LRRTM4: variants seen among roughly 807,000 people sequenced by gnomAD.
LRRTM4 encodes leucine rich repeat transmembrane neuronal 4.
A neutral mutation model predicts 47.6 loss-of-function variants in LRRTM4; 25 were observed. That is an observed-to-expected ratio of 0.53 (90% CI 0.38 to 0.73). The LOEUF (loss-of-function observed/expected upper bound fraction) is 0.73, where lower values mean the gene tolerates loss of function less well. Among genes scored for constraint, LRRTM4 ranks in the 30% least tolerant of loss-of-function variants. LRRTM4 has a pLI of 0.00. For missense variants in LRRTM4, 638 were observed against 713.4 expected (o/e 0.89, Z 1.20); for synonymous variants, 311 against 269.5 (o/e 1.15, Z -1.51).
intron 3 of LRRTM4, among the ~76,000 whole-genome samples, chr2:77,359,320 A>AT (rs1343602143): frequency 2.6e-5 from 4 of 152,174 alleles, no homozygotes; most frequent in Non-Finnish European, 5.9e-5. Context: ...TTCAAATGAG[A>AT]TTTTTATATA....
At chr2:77,022,423 T>TC (rs367599818) in intron 3 of LRRTM4, among the ~76,000 whole-genome samples, 69 of 152,114 alleles carry the variant, frequency 4.5e-4, no homozygotes, top group African/African-American at 1.6e-3. Context: ...TTCCCATCAG[T>TC]CCCCCAAAGT....
At chr2:77,074,205 C>A (rs1283713897) in intron 3 of LRRTM4, among the ~76,000 whole-genome samples, 2 of 152,150 alleles carry the variant, frequency 1.3e-5, no homozygotes, top group South Asian at 4.1e-4. Context: ...ATCATATCTG[C>A]ATTTATACTT....
chr2:77,002,288 T>C (rs116165076), intron 3 of LRRTM4, among the ~76,000 whole-genome samples: 2,682 of 152,160 alleles, frequency 0.018, 68 homozygotes, highest in African/African-American at 0.061. Flanking sequence ...AGGAGTGAAA[T>C]TTGGTGTCCT....
intron 3 of LRRTM4, among the ~76,000 whole-genome samples, chr2:76,928,704 A>G (rs781197207): frequency 5.3e-5 from 8 of 152,136 alleles, no homozygotes; most frequent in Admixed American, 1.3e-4. Context: ...TGAGTTCTCA[A>G]TGTTTTCAAG....
intron 3 of LRRTM4, among the ~76,000 whole-genome samples, chr2:76,947,885 T>C (rs1381443342): frequency 6.6e-6 from 1 of 151,774 alleles, no homozygotes; most frequent in Non-Finnish European, 1.5e-5. Flanking sequence ...AAGAAAGAAA[T>C]TGCAAGGCGA....
At chr2:77,207,866 C>CTTTTTT (rs754540782) in intron 3 of LRRTM4, among the ~76,000 whole-genome samples, 950 of 42,610 alleles carry the variant, frequency 0.022, 255 homozygotes, top group African/African-American at 0.038. Context: ...GGGAAAGTGG[C>CTTTTTT]TTTTTTTTTT....
At chr2:77,173,521 GT>G (rs748186575) in intron 3 of LRRTM4, among the ~76,000 whole-genome samples, 1 of 152,142 alleles carries the variant, frequency 6.6e-6, no homozygotes, top group Non-Finnish European at 1.5e-5. Context: ...GTCACGGGTG[GT>G]TGACAGATAG....
intron 3 of LRRTM4, among the ~76,000 whole-genome samples, chr2:77,251,896 G>T (rs1318848450): frequency 2.0e-5 from 3 of 152,160 alleles, no homozygotes; most frequent in African/African-American, 7.2e-5. Context: ...GTGGGTGGTG[G>T]TGATCACAGG....
At chr2:76,956,913 T>C (rs1675693509) in intron 3 of LRRTM4, among the ~76,000 whole-genome samples, 2 of 151,560 alleles carry the variant, frequency 1.3e-5, no homozygotes, top group South Asian at 4.1e-4. Flanking sequence ...AGCAGACTTA[T>C]AACTAGTAAG....
At chr2:77,043,581 G>A (rs549265929) in intron 3 of LRRTM4, among the ~76,000 whole-genome samples, 1 of 151,604 alleles carries the variant, frequency 6.6e-6, no homozygotes, top group East Asian at 1.9e-4. Context: ...GACACTGCAA[G>A]AGAGAAGAGA....
chr2:76,872,679 A>G lies in LRRTM4; in HGVS notation c.1552-123763T>C, dbSNP rs183212500. 3.6e-3 allele frequency among the ~76,000 whole-genome samples: 549 copies of G among 152,118 alleles called. 16 individuals are homozygous for G. The highest frequency in any genetic ancestry group is 0.031 in the Admixed American group (479 of 15,264). On this transcript the variant is annotated intron_variant, in intron 3 of 3. Coordinates refer to ENST00000409884, the MANE Select transcript of LRRTM4 (RefSeq NM_001134745.3). ...GATACCTTTTATCTCTCTCTATGCT[A>G]TAGTTTGGATATTTGACCCTCCAAA...
In LRRTM4 at chr2:76,858,934, A is replaced by G. The variant is rs181182831; in HGVS notation, c.1552-110018T>C. Among the ~76,000 whole-genome samples the G allele has an allele frequency of 1.5e-4, 23 of 152,286 alleles. No individual in the cohort carries two copies. The East Asian group carries it at 4.3e-3, about 28-fold the overall frequency. ...GTACATTCATCAAGAAAATATCTCCATCCAGGTGTCTGGATGGGCAGTTTG... is the reference window on the plus strand; with the variant it reads ...GTACATTCATCAAGAAAATATCTCCGTCCAGGTGTCTGGATGGGCAGTTTG... On this transcript the variant is annotated intron_variant, in intron 3 of 3. Coordinates refer to ENST00000409884, the MANE Select transcript of LRRTM4 (RefSeq NM_001134745.3).
At chr2:77,350,302 C>T (rs1417824062) in intron 3 of LRRTM4, among the ~76,000 whole-genome samples, 7 of 120,970 alleles carry the variant, frequency 5.8e-5, no homozygotes, top group Admixed American at 1.0e-4. Flanking sequence ...GTCCGCAGTC[C>T]GGCCTGGGCG....
At chr2:77,425,284 A>G (rs1254792500) in intron 3 of LRRTM4, among the ~76,000 whole-genome samples, 4 of 152,144 alleles carry the variant, frequency 2.6e-5, no homozygotes, top group African/African-American at 9.7e-5. Flanking sequence ...CTTTTTATAC[A>G]TTTCTCAGCC....
chr2:77,277,196 A>C (rs974248308), intron 3 of LRRTM4, among the ~76,000 whole-genome samples: 1 of 152,034 alleles, frequency 6.6e-6, no homozygotes, highest in African/African-American at 2.4e-5. Flanking sequence ...ATGCAAAACC[A>C]ATTACAGATA....
chr2:76,826,202 A>T (rs898988611), intron 3 of LRRTM4, among the ~76,000 whole-genome samples: 1 of 151,704 alleles, frequency 6.6e-6, no homozygotes, highest in Admixed American at 6.6e-5. Flanking sequence ...AATATATCAG[A>T]TCATTATCAA....
At chr2:76,888,668 T>G (rs189366661) in intron 3 of LRRTM4, among the ~76,000 whole-genome samples, 1 of 151,766 alleles carries the variant, frequency 6.6e-6, no homozygotes, top group East Asian at 1.9e-4. Flanking sequence ...TATTCATTAG[T>G]TTTTTTTCTA....
At chr2:77,509,140 G>C (rs1678884873) in intron 3 of LRRTM4, among the ~76,000 whole-genome samples, 1 of 151,246 alleles carries the variant, frequency 6.6e-6, no homozygotes, top group South Asian at 2.1e-4. Context: ...GCTGAGGCAG[G>C]AGAATCGCTT....
At chr2:76,966,983 A>G (rs1014873829) in intron 3 of LRRTM4, among the ~76,000 whole-genome samples, 1 of 151,460 alleles carries the variant, frequency 6.6e-6, no homozygotes, top group Non-Finnish European at 1.5e-5. Flanking sequence ...TAGTATTACT[A>G]TATTTTTAGC....
Sources: allele counts gnomAD v4.1 joint callset (sites outside exome capture counted in the v4.1 genomes callset), GRCh38; gene constraint gnomAD v4.1.1; transcripts MANE v1.5; gene names NCBI Gene and HGNC (gene_info 2026-07-23, HGNC 2026-07-21).